PLAUR: variants seen among roughly 807,000 people sequenced by gnomAD.
PLAUR encodes plasminogen activator, urokinase receptor.
Under a neutral mutation model 33.4 loss-of-function variants are expected in PLAUR, and 22 were observed. The observed-to-expected ratio is 0.66, with a 90% CI of 0.47 to 0.94. The LOEUF is 0.94. Among genes scored for constraint, PLAUR ranks in the 40% least tolerant of loss-of-function variants. PLAUR has a pLI of 0.00. For synonymous variants in PLAUR, 148 were observed against 167.3 expected (o/e 0.88, Z 0.89); for missense variants, 408 against 434.7 (o/e 0.94, Z 0.55).
At chr19:43,659,824 T>C (rs1974370289) in intron 3 of PLAUR, among the ~76,000 whole-genome samples, 1 of 152,228 alleles carries the variant, frequency 6.6e-6, no homozygotes, top group African/African-American at 2.4e-5. Flanking sequence ...GCTCTGCTGT[T>C]TCTGACCTCT....
intron 2 of PLAUR, among the ~76,000 whole-genome samples, chr19:43,665,806 G>A (rs964270169): frequency 6.8e-6 from 1 of 147,926 alleles, no homozygotes; most frequent in Non-Finnish European, 1.5e-5. Flanking sequence ...TGGAACCACA[G>A]GCTTACATCA....
chr19:43,657,170 C>T (rs148766233), intron 3 of PLAUR, among the ~76,000 whole-genome samples: 246 of 152,248 alleles, frequency 1.6e-3, no homozygotes, highest in Middle Eastern at 0.014. Context: ...TCTCGAACTC[C>T]TAACCTCAAG....
chr19:43,652,988 A>T (rs921123931), intron 5 of PLAUR, among the ~76,000 whole-genome samples: 3 of 151,662 alleles, frequency 2.0e-5, no homozygotes, highest in Non-Finnish European at 4.4e-5. Context: ...TTACTAAAAA[A>T]TTTTTTTTGA....
Position 43,652,230 on chromosome 19 carries a change from G to T in PLAUR, c.749C>A (p.Thr250Asn). The T allele has an allele frequency of 6.2e-7, 1 of 1,614,068 alleles. No homozygotes were observed. The highest frequency in any genetic ancestry group is 8.5e-7 in the Non-Finnish European group (1 of 1,179,972). ...AGCCTCGGAGAGGGCCTCACCGTGAGTGCCGGTGGCTACCAGACATTGATT... is the reference window on the plus strand; with the variant it reads ...AGCCTCGGAGAGGGCCTCACCGTGATTGCCGGTGGCTACCAGACATTGATT... The part of the protein sequence containing the change: ...PMNQCLVATG[T>N]HEPKNQSYMV... The change falls in exon 6 of 7, where the codon ACT becomes AAT. Residue 250 changes from threonine to asparagine, a missense_variant. Physicochemically the swap from Thr to Asn is moderately conservative, Grantham distance 65. Transcript: ENST00000340093.
At chr19:43,651,101 G>A (rs900750549) in intron 6 of PLAUR, among the ~76,000 whole-genome samples, 2 of 151,124 alleles carry the variant, frequency 1.3e-5, no homozygotes, top group African/African-American at 4.9e-5. Context: ...TTTTTGGGAC[G>A]GAGTTTCACT....
At chr19:43,654,337 G>T (rs1974118701) in intron 5 of PLAUR, among the ~76,000 whole-genome samples, 1 of 152,012 alleles carries the variant, frequency 6.6e-6, no homozygotes, top group South Asian at 2.1e-4. Context: ...AAGACTGTGA[G>T]GCAGACAGGT....
intron 5 of PLAUR, among the ~76,000 whole-genome samples, chr19:43,653,514 G>A (rs1402725832): frequency 1.3e-5 from 2 of 152,080 alleles, no homozygotes; most frequent in South Asian, 2.1e-4. Flanking sequence ...CCAAATGAAC[G>A]TCAGCACAGC....
downstream of PLAUR, among the ~76,000 whole-genome samples, chr19:43,646,840 G>T (rs1300443597): frequency 6.9e-6 from 1 of 145,564 alleles, no homozygotes; most frequent in Non-Finnish European, 1.5e-5. Flanking sequence ...TCATGCAGTG[G>T]TGTGATCTTG....
chr19:43,669,673 G>A (rs1173284588), intron 1 of PLAUR, among the ~76,000 whole-genome samples: 1 of 151,858 alleles, frequency 6.6e-6, no homozygotes, highest in Admixed American at 6.6e-5. Context: ...TTAGCCGGGC[G>A]CGATGGCAGG....
chr19:43,654,737 C>A (rs553289719), intron 5 of PLAUR, among the ~76,000 whole-genome samples: 1 of 151,766 alleles, frequency 6.6e-6, no homozygotes, highest in East Asian at 1.9e-4. Flanking sequence ...CTGTCCCCCC[C>A]ATACCCCCCA....
intron 1 of PLAUR, among the ~76,000 whole-genome samples, chr19:43,668,872 T>C (rs1967394914): frequency 1.4e-5 from 2 of 138,610 alleles, no homozygotes; most frequent in South Asian, 4.8e-4. Context: ...GTCTGTAACC[T>C]CTCCCGTAGC....
intron 3 of PLAUR, among the ~76,000 whole-genome samples, chr19:43,662,585 G>A (rs559064974): frequency 3.9e-5 from 6 of 152,150 alleles, no homozygotes; most frequent in African/African-American, 1.4e-4. Context: ...ACAATGTCTA[G>A]AAACCCCTGT....
At chr19:43,653,347 G>A (rs910215583) in intron 5 of PLAUR, among the ~76,000 whole-genome samples, 2 of 152,176 alleles carry the variant, frequency 1.3e-5, no homozygotes, top group Non-Finnish European at 2.9e-5. Context: ...CTGGAGGGGA[G>A]GGACAGTGAA....
chr19:43,662,870 A>G (rs1038886708), intron 3 of PLAUR, among the ~76,000 whole-genome samples: 1 of 152,068 alleles, frequency 6.6e-6, no homozygotes, highest in Non-Finnish European at 1.5e-5. Flanking sequence ...ATGTACCATC[A>G]CATCTGGCTA....
chr19:43,669,032 A>T (rs1287026985), intron 1 of PLAUR, among the ~76,000 whole-genome samples: 2 of 151,800 alleles, frequency 1.3e-5, no homozygotes, highest in Non-Finnish European at 2.9e-5. Flanking sequence ...GCGCGTTCGG[A>T]GTATCCCGGA....
intron 4 of PLAUR, 114 bp downstream of exon 4, chr19:43,656,365 A>T: frequency 1.1e-6 from 1 of 934,220 alleles, no homozygotes; most frequent in South Asian, 2.0e-5. Context: ...CCTCTTGTGT[A>T]TGAGAGAACT....
chr19:43,652,509 T>C (rs2146207278), intron 5 of PLAUR, 138 bp from the exon 6 acceptor site: 1 of 791,444 alleles, frequency 1.3e-6, no homozygotes, highest in African/African-American at 1.7e-5. Flanking sequence ...CTGAATGGCA[T>C]TTGGAGGGGG....
chr19:43,652,495 G>T (rs1404581427), intron 5 of PLAUR, 124 bp from the exon 6 acceptor site: 1 of 904,026 alleles, frequency 1.1e-6, no homozygotes, highest in Non-Finnish European at 1.7e-6. Context: ...TTGTGGTCAG[G>T]CGTCTGAATG....
chr19:43,663,300 T>TACAC (rs59542257), intron 3 of PLAUR, among the ~76,000 whole-genome samples: 3,051 of 131,834 alleles, frequency 0.023, 57 homozygotes, highest in Middle Eastern at 0.043. Flanking sequence ...CTGTCACCCC[T>TACAC]ACACACACAC....
Sources: gnomAD v4.1 joint callset for allele counts (sites outside exome capture counted in the v4.1 genomes callset) on GRCh38, gnomAD v4.1.1 for gene constraint, MANE v1.5 for transcripts, NCBI Gene and HGNC (gene_info 2026-07-23, HGNC 2026-07-21) for gene names.